ASB6: variants seen among roughly 807,000 people sequenced by gnomAD.
ASB6 encodes the protein ankyrin repeat and SOCS box containing 6.
ASB6 carries 24 observed loss-of-function variants against 28.6 expected under a neutral mutation model. That is an observed-to-expected ratio of 0.84 (90% CI 0.61 to 1.18). The LOEUF (loss-of-function observed/expected upper bound fraction) is 1.18. Among genes scored for constraint, ASB6 ranks in the 50% most tolerant of loss-of-function variants. The probability of loss-of-function intolerance (pLI) is 0.00; values close to 1 mark genes in which losing one functional copy is unlikely to be tolerated. For missense variants in ASB6, 519 were observed against 559.8 expected, an observed-to-expected ratio of 0.93 and a Z score of 0.74; for synonymous variants, 267 against 243.4, an observed-to-expected ratio of 1.10 and a Z score of -0.90.
Position 129,641,981 on chromosome 9 carries a change from A to G in ASB6, c.19T>C (p.Phe7Leu). The change falls in exon 1 of 6, where the codon TTC (phenylalanine) becomes CTC (leucine). Residue 7 changes from phenylalanine (F) to leucine (L), a missense_variant. By Grantham distance (22) the Phe-to-Leu change is conservative (BLOSUM62 0). Transcript: ENST00000277458. MPFLHG[F>L]RRIIFEYQPL... is the part of the protein sequence containing the mutation. ...TGGTACTCGAAGATGATCCTCCGGA[A>G]GCCGTGCAGGAACGGCATCGCCGCG... is the stretch of plus-strand genomic sequence containing the variant. 6.2e-7 allele frequency: 1 copy of G among 1,601,586 alleles called. No homozygotes were observed.
rs1831677287 is a variant in ASB6, at chr9:129,640,776, G to T, written c.114-54C>A. ...CACAGCTGTGGGACCGGGTGACCGC[G>T]CAGCCTGTGGGTTGGTGGGCTTTAG... On this transcript the variant is annotated intron_variant, in intron 1 of 5. Coordinates refer to ENST00000277458, the MANE Select transcript of ASB6 (RefSeq NM_017873.4). 1.1e-5 allele frequency: 18 copies of T among 1,599,840 alleles called. No individual in the cohort carries two copies. In the South Asian group the frequency reaches 1.8e-4, roughly 16 times the overall value.
intron 2 of ASB6, 98 bp downstream of exon 2, chr9:129,640,443 C>T: frequency 6.8e-7 from 1 of 1,460,966 alleles, no homozygotes; most frequent in South Asian, 1.4e-5. Context: ...GGAAGTCACT[C>T]CTCAGAGGAT....
chr9:129,640,989 G>A (rs1477643742), intron 1 of ASB6: 2 of 420,640 alleles, frequency 4.8e-6, no homozygotes, highest in Admixed American at 4.6e-5. Context: ...GCAGACTTAG[G>A]TACAAAGCCT....
At position 129,639,403 on chromosome 9, in the gene ASB6, C is replaced by A; in HGVS notation, c.401G>T (p.Arg134Leu). 1 of 1,609,410 alleles carries A rather than the reference C, an allele frequency of 6.2e-7. No homozygotes were observed. The change falls in exon 3 of 6, where the codon CGG becomes CTG. Residue 134 changes from arginine (R) to leucine (L), a missense_variant and splice_region_variant. Arg to Leu is a moderately radical substitution (Grantham distance 102, BLOSUM62 -2). Transcript: ENST00000277458. Reference sequence around the variant, plus strand: ...AAGCAAGCTGGACCTGGCACTTACCCGGTCCCTCCGATTAACGTCGGCCCC... The same window carrying A: ...AAGCAAGCTGGACCTGGCACTTACCAGGTCCCTCCGATTAACGTCGGCCCC... ...HHGADVNRRD[R>L]IHESSPLDLA...
Position 129,637,500 on chromosome 9 carries a change from C to A in ASB6, c.*290G>T. The A allele has an allele frequency of 3.8e-6, 1 of 262,634 alleles. No homozygotes were observed. 16.3% of individuals were successfully genotyped at this position (262,634 alleles called of 1,614,324 possible). A position where few individuals can be genotyped will look rare whatever the true frequency, so the allele number is the denominator to read the frequency against. Reference sequence around the variant, plus strand: ...GCTTCTGCAAATGCCCTGGCACTGCCCTCCAATTCAGAGGGTATAAACATC... The same window carrying A: ...GCTTCTGCAAATGCCCTGGCACTGCACTCCAATTCAGAGGGTATAAACATC... On this transcript the variant is annotated 3_prime_UTR_variant, in exon 6 of 6. Transcript: ENST00000277458.
Position 129,634,709 on chromosome 9 carries a change from G to C in ASB6, c.*3081C>G, listed in dbSNP as rs1386147683. On this transcript the variant is annotated 3_prime_UTR_variant, in exon 6 of 6. Transcript: ENST00000277458. ...GCACACCTCGAGCGCTGTGCCCTGG[G>C]CTGCTGACGTGGCGGCAGGCCGCTA... 8.8e-6 allele frequency: 2 copies of C among 226,504 alleles called. No individual in the cohort carries two copies. Among genetic ancestry groups the C allele is most frequent in the African/African-American group, 4.6e-5 (2 of 43,284 alleles). The allele number at this position is 226,504 out of a possible 1,614,324, so 14.0% of individuals were successfully genotyped here. A position where few individuals can be genotyped will look rare whatever the true frequency, so the allele number is the denominator to read the frequency against.
At chr9:129,641,039 TG>T in intron 1 of ASB6, 1 of 309,458 alleles carries the variant, frequency 3.2e-6, no homozygotes, top group Non-Finnish European at 6.0e-6. Context: ...ACCACCAGCC[TG>T]GAGGCCAAGA....
Position 129,635,116 on chromosome 9 carries a change from TGAG to T in ASB6, c.*2671_*2673del, listed in dbSNP as rs1306407055. The T allele has an allele frequency of 3.4e-6, 5 of 1,466,806 alleles. No homozygotes were observed. The highest frequency in any genetic ancestry group is 4.6e-6 in the Non-Finnish European group (5 of 1,087,166). The allele number at this position is 1,466,806 out of a possible 1,614,324, so 90.9% of individuals were successfully genotyped here. A position where few individuals can be genotyped will look rare whatever the true frequency, so the allele number is the denominator to read the frequency against. ...GTGCACACAAAATGCTGGGCACAAA[TGAG>T]GGGCTCAGCGGGGCTGAGAAGTACA... is the stretch of plus-strand genomic sequence containing the variant. On this transcript the variant is annotated 3_prime_UTR_variant, in exon 6 of 6. Coordinates refer to ENST00000277458, the MANE Select transcript of ASB6 (RefSeq NM_017873.4).
At position 129,642,033 on chromosome 9, in the gene ASB6, T is replaced by C. The variant is rs1221124936; in HGVS notation, c.-34A>G. On this transcript the variant is annotated 5_prime_UTR_variant, in exon 1 of 6. Coordinates refer to ENST00000277458, the MANE Select transcript of ASB6 (RefSeq NM_017873.4). This position sits in a 1 kb window ranked among gnomAD's most constrained non-coding sequence, Gnocchi z 4.3. ...GCCCCGCGCAGCAGGGCCGTCGCGC[T>C]TTCTGCCGAGGCCGAGATGCCCAGA... 1.9e-6 allele frequency: 3 copies of C among 1,559,048 alleles called. No individual in the cohort carries two copies. Among genetic ancestry groups the C allele is most frequent in the Non-Finnish European group, 2.6e-6 (3 of 1,152,356 alleles).
In ASB6 at chr9:129,638,188, A is replaced by C; in HGVS notation, c.868T>G (p.Ser290Ala). 1.2e-6 allele frequency: 2 copies of C among 1,613,728 alleles called. No homozygotes were observed. The highest frequency in any genetic ancestry group is 1.7e-6 in the Non-Finnish European group (2 of 1,179,906). ...GACCAGCAGGACGCACCGTGCAGGG[A>C]GCAGTTGTAGGCGGCTCCGGACTCC... Reference protein sequence around the residue: ...LLESGAAYNCSLHGASCWSGF... With the variant: ...LLESGAAYNCALHGASCWSGF... The change falls in exon 6 of 6, where the codon TCC becomes GCC. Residue 290 changes from serine to alanine, a missense_variant. Transcript: ENST00000277458.
At position 129,640,444 on chromosome 9, in the gene ASB6, C is replaced by T. The variant is rs1831667390; in HGVS notation, c.295+97G>A. 9 of 1,466,524 alleles carry T rather than the reference C, an allele frequency of 6.1e-6. No individual in the cohort carries two copies. The South Asian group carries it at 1.3e-4, about 21-fold the overall frequency. The allele number at this position is 1,466,524 out of a possible 1,614,324, so 90.8% of individuals were successfully genotyped here. ...GGAAATAAAGGGGGGGAAGTCACTC[C>T]TCAGAGGATGGTAGAAGCCAAGGCT... On this transcript the variant is annotated intron_variant, in intron 2 of 5. Coordinates refer to ENST00000277458, the MANE Select transcript of ASB6 (RefSeq NM_017873.4).
chr9:129,637,739 A>G lies in ASB6; in HGVS notation c.*51T>C, dbSNP rs1371813101. ...TCTAATGCTGTCCCAGCATCTACCA[A>G]CAGGCTGACCTGAGCTGCCCGTGTC... On this transcript the variant is annotated 3_prime_UTR_variant, in exon 6 of 6. Transcript: ENST00000277458. 1.4e-6 allele frequency: 2 copies of G among 1,448,924 alleles called. No homozygotes were observed. Among genetic ancestry groups the G allele is most frequent in the South Asian group, 1.5e-5 (1 of 68,912 alleles). 89.8% of individuals were successfully genotyped at this position (1,448,924 alleles called of 1,614,324 possible).
At position 129,635,107 on chromosome 9, in the gene ASB6, G is replaced by C. The variant is rs1355242424; in HGVS notation, c.*2683C>G. ...AGGCCATGTGTGCACACAAAATGCTGGGCACAAATGAGGGGCTCAGCGGGG... is the reference window on the plus strand; with the variant it reads ...AGGCCATGTGTGCACACAAAATGCTCGGCACAAATGAGGGGCTCAGCGGGG... On this transcript the variant is annotated 3_prime_UTR_variant, in exon 6 of 6. Coordinates refer to ENST00000277458, the MANE Select transcript of ASB6 (RefSeq NM_017873.4). 3 of 1,400,924 alleles carry C rather than the reference G, an allele frequency of 2.1e-6. No homozygotes were observed. In the East Asian group the frequency reaches 6.9e-5, roughly 32 times the overall value. The allele number at this position is 1,400,924 out of a possible 1,614,324, so 86.8% of individuals were successfully genotyped here. A position where few individuals can be genotyped will look rare whatever the true frequency, so the allele number is the denominator to read the frequency against.
At chr9:129,639,551 A>G (rs1216016855) in intron 2 of ASB6, 43 bp from the exon 3 acceptor site, 8 of 1,558,698 alleles carry the variant, frequency 5.1e-6, no homozygotes, top group Non-Finnish European at 7.0e-6. Context: ...ATCTGTCCGC[A>G]TTCTTATGGG....
In ASB6 at chr9:129,634,947, A is replaced by C; in HGVS notation, c.*2843T>G. 3 of 481,410 alleles carry C rather than the reference A, an allele frequency of 6.2e-6. No individual in the cohort carries two copies. The highest frequency in any genetic ancestry group is 3.6e-5 in the Admixed American group (1 of 27,882). 29.8% of individuals were successfully genotyped at this position (481,410 alleles called of 1,614,324 possible). ...GGGTGGGGCATCATGGTGTGTAGGTATCAGGCAGGACTTGTAAGCCATCCC... is the reference window on the plus strand; with the variant it reads ...GGGTGGGGCATCATGGTGTGTAGGTCTCAGGCAGGACTTGTAAGCCATCCC... On this transcript the variant is annotated 3_prime_UTR_variant, in exon 6 of 6. Coordinates refer to ENST00000277458, the MANE Select transcript of ASB6 (RefSeq NM_017873.4).
Position 129,635,051 on chromosome 9 carries a change from T to G in ASB6, c.*2739A>C. On this transcript the variant is annotated 3_prime_UTR_variant, in exon 6 of 6. Coordinates refer to ENST00000277458, the MANE Select transcript of ASB6 (RefSeq NM_017873.4). ...AGTTTCCTATTCTATGAATTGGGGT[T>G]TAGTAAATCTCTCGGGACTGAGAGC... The G allele has an allele frequency of 1.2e-6, 1 of 813,060 alleles. No individual in the cohort carries two copies. Among genetic ancestry groups the G allele is most frequent in the African/African-American group, 1.7e-5 (1 of 58,394 alleles). 50.4% of individuals were successfully genotyped at this position (813,060 alleles called of 1,614,324 possible). A position where few individuals can be genotyped will look rare whatever the true frequency, so the allele number is the denominator to read the frequency against.
In ASB6 at chr9:129,637,691, C is replaced by T; in HGVS notation, c.*99G>A. 7.9e-7 allele frequency: 1 copy of T among 1,266,246 alleles called. No homozygotes were observed. Among genetic ancestry groups the T allele is most frequent in the Non-Finnish European group, 1.1e-6 (1 of 946,770 alleles). 78.4% of individuals were successfully genotyped at this position (1,266,246 alleles called of 1,614,324 possible). On this transcript the variant is annotated 3_prime_UTR_variant, in exon 6 of 6. Transcript: ENST00000277458. ...TTTCTCATGAAGGATCCCGTCTCATCTCCCAGATCAAAAAGACCCTCTTCT... is the reference window on the plus strand; with the variant it reads ...TTTCTCATGAAGGATCCCGTCTCATTTCCCAGATCAAAAAGACCCTCTTCT...
intron 4 of ASB6, 70 bp downstream of exon 4, chr9:129,639,132 G>T: frequency 6.8e-7 from 1 of 1,463,430 alleles, no homozygotes; most frequent in Non-Finnish European, 9.3e-7. Flanking sequence ...GTTGTCCTGG[G>T]GCACCCTGGG....
At position 129,641,390 on chromosome 9, in the gene ASB6, G is replaced by C. The variant is rs543745479; in HGVS notation, c.113+497C>G. The C allele has an allele frequency of 3.8e-3, 586 of 153,990 alleles. 5 individuals are homozygous for C. The highest frequency in any genetic ancestry group is 7.4e-3 in the South Asian group (39 of 5,278). 9.5% of individuals were successfully genotyped at this position (153,990 alleles called of 1,614,324 possible). ...TCTGGAGCACATGCGCCAAGAAGGC[G>C]GGGGTTTTGCTGAGCCACTGATGGA... On this transcript the variant is annotated intron_variant, in intron 1 of 5. Transcript: ENST00000277458.
Sources: gnomAD v4.1 joint callset for allele counts on GRCh38, gnomAD v4.1.1 for gene constraint, Gnocchi (gnomAD v3.1) non-coding constraint, MANE v1.5 for transcripts, NCBI Gene and HGNC (gene_info 2026-07-23, HGNC 2026-07-21) for gene names.